HS6ST2: variants seen among roughly 807,000 people sequenced by gnomAD.
HS6ST2 encodes heparan sulfate 6-O-sulfotransferase 2.
In HS6ST2, 17 loss-of-function variants were observed where a neutral mutation model predicts 33.0. The observed-to-expected ratio is 0.52, with a 90% confidence interval of 0.35 to 0.77. The LOEUF (loss-of-function observed/expected upper bound fraction) is 0.77, where lower values mean the gene tolerates loss of function less well. HS6ST2 is among the 30% of genes least tolerant of loss of function. The probability of loss-of-function intolerance (pLI) is 0.01; values close to 1 mark genes in which losing one functional copy is unlikely to be tolerated. For missense variants in HS6ST2, 519 were observed against 551.7 expected (o/e 0.94, Z 0.59); for synonymous variants, 248 against 237.1 (o/e 1.05, Z -0.42).
At chrX:132,945,600 C>A (rs1602916876) in intron 2 of HS6ST2, among the ~76,000 whole-genome samples, 1 of 110,248 alleles carries the variant, frequency 9.1e-6, no homozygotes, top group Non-Finnish European at 1.9e-5. Flanking sequence ...GACCTGGAAC[C>A]AACCCAAATG....
intron 3 of HS6ST2, among the ~76,000 whole-genome samples, chrX:132,703,538 G>T (rs749450266): frequency 9.0e-4 from 101 of 112,351 alleles, no homozygotes; most frequent in Non-Finnish European, 1.6e-3. Flanking sequence ...CTGTGCTAAA[G>T]ATATCAGCCC....
chrX:132,901,847 T>C (rs925891755), intron 2 of HS6ST2, among the ~76,000 whole-genome samples: 3 of 110,866 alleles, frequency 2.7e-5, no homozygotes, highest in Non-Finnish European at 5.7e-5. Context: ...TAGAGAGATA[T>C]GTTGAGGGGA....
chrX:132,855,037 T>C (rs1003953857), intron 2 of HS6ST2, among the ~76,000 whole-genome samples: 3 of 112,385 alleles, frequency 2.7e-5, no homozygotes, highest in Non-Finnish European at 5.6e-5. Flanking sequence ...CTCATTCAAA[T>C]GTATTTGAAC....
chrX:132,703,565 G>A (rs1196609163), intron 3 of HS6ST2, among the ~76,000 whole-genome samples: 1 of 112,281 alleles, frequency 8.9e-6, no homozygotes, highest in African/African-American at 3.2e-5. Context: ...TGCAGTTTCT[G>A]TAGAAATAAC....
intron 2 of HS6ST2, among the ~76,000 whole-genome samples, chrX:132,748,307 T>C (rs1324518247): frequency 8.9e-6 from 1 of 112,400 alleles, no homozygotes; most frequent in Non-Finnish European, 1.9e-5. Context: ...TTGAACACTT[T>C]GGTGATACTC....
rs776319127 is a variant in HS6ST2, at chrX:132,837,880, T to C, written c.947+118928A>G. Among the ~76,000 whole-genome samples the C allele has an allele frequency of 5.7e-4, 64 of 111,905 alleles. 1 individual carries two copies. Among genetic ancestry groups the C allele is most frequent in the Admixed American group, 3.6e-3 (38 of 10,505 alleles). ...CCAGCCCCATCTTGTAAGGAGTCATTGCTTAATCAATGGCTTTGTTGTGAA... is the reference window on the plus strand; with the variant it reads ...CCAGCCCCATCTTGTAAGGAGTCATCGCTTAATCAATGGCTTTGTTGTGAA... On this transcript the variant is annotated intron_variant, in intron 2 of 4. Transcript: ENST00000370833.
At chrX:132,778,259 G>A (rs1454858578) in intron 2 of HS6ST2, among the ~76,000 whole-genome samples, 2 of 112,210 alleles carry the variant, frequency 1.8e-5, no homozygotes, top group Admixed American at 9.4e-5. Flanking sequence ...ATAAACAATG[G>A]CCTCTGGATA....
In HS6ST2 at chrX:132,839,695, A is replaced by G. The variant is rs1403158837; in HGVS notation, c.947+117113T>C. Among the ~76,000 whole-genome samples the G allele has an allele frequency of 2.3e-4, 25 of 110,925 alleles. No individual in the cohort carries two copies. In the Admixed American group the frequency reaches 2.4e-3, roughly 11 times the overall value. Reference sequence around the variant, plus strand: ...CTGCACTTGTAAACCTTAAATTTATACACATAAAAAAAAGTTACCTATGAG... The same window carrying G: ...CTGCACTTGTAAACCTTAAATTTATGCACATAAAAAAAAGTTACCTATGAG... On this transcript the variant is annotated intron_variant, in intron 2 of 4. Transcript: ENST00000370833.
At chrX:132,864,221 G>A (rs1263337985) in intron 2 of HS6ST2, among the ~76,000 whole-genome samples, 1 of 109,715 alleles carries the variant, frequency 9.1e-6, no homozygotes, top group Non-Finnish European at 1.9e-5. Context: ...CTCCTCGCGA[G>A]CAAGGGAACA....
At position 132,956,979 on chromosome X, in the gene HS6ST2, C is replaced by G; in HGVS notation, c.776G>C (p.Arg259Pro). Residue 259 changes from arginine to proline, a missense_variant, in exon 2 of 5, where the codon CGC (arginine) becomes CCC (proline). Arg to Pro is a moderately radical substitution (Grantham distance 103, BLOSUM62 -2). Transcript: ENST00000370833. ...GCAAGTGCATTTCTTCTGACCCACG[C>G]GGCACTCGCACGGCTGCTCCAGCTG... ...NIQLEQPCEC[R>P]VGQKKCTCHR... The G allele has an allele frequency of 3.3e-6, 4 of 1,210,806 alleles. No individual in the cohort carries two copies. The highest frequency in any genetic ancestry group is 4.5e-6 in the Non-Finnish European group (4 of 894,914).
intron 2 of HS6ST2, among the ~76,000 whole-genome samples, chrX:132,878,913 T>C (rs1226447733): frequency 9.0e-6 from 1 of 110,819 alleles, no homozygotes; most frequent in African/African-American, 3.3e-5. Context: ...AAATAAGTAA[T>C]GATGCCTGGG....
intron 2 of HS6ST2, among the ~76,000 whole-genome samples, chrX:132,814,793 G>A (rs768536933): frequency 1.1e-4 from 12 of 111,935 alleles, no homozygotes; most frequent in East Asian, 5.6e-4. Context: ...AACCCTATGC[G>A]ATGAACACAT....
chrX:132,778,274 G>A (rs2148329126), intron 2 of HS6ST2, among the ~76,000 whole-genome samples: 1 of 112,468 alleles, frequency 8.9e-6, no homozygotes, highest in Non-Finnish European at 1.9e-5. Flanking sequence ...TGGATACAAT[G>A]ATGTATGTAT....
At chrX:132,822,691 G>T (rs945293443) in intron 2 of HS6ST2, among the ~76,000 whole-genome samples, 1 of 111,929 alleles carries the variant, frequency 8.9e-6, no homozygotes, top group Non-Finnish European at 1.9e-5. Context: ...TATTTAGCAG[G>T]GTTGTTATTT....
At chrX:132,666,608 T>C (rs1451445216) in intron 4 of HS6ST2, among the ~76,000 whole-genome samples, 1 of 111,305 alleles carries the variant, frequency 9.0e-6, no homozygotes, top group African/African-American at 3.3e-5. Flanking sequence ...TACCAAGTGC[T>C]TGGGACACAG....
chrX:132,811,685 A>AATATACATAT (rs2065346040), intron 2 of HS6ST2, among the ~76,000 whole-genome samples: 1 of 29,814 alleles, frequency 3.4e-5, no homozygotes, highest in Admixed American at 5.4e-4. Flanking sequence ...AAGGCTGAAT[A>AATATACATAT]ATATATATAT....
chrX:132,705,908 A>G (rs2064185392), intron 3 of HS6ST2, among the ~76,000 whole-genome samples: 1 of 112,183 alleles, frequency 8.9e-6, no homozygotes, highest in South Asian at 3.7e-4. Context: ...CTCCTTTCAC[A>G]CATATACCAT....
At chrX:132,808,565 T>C (rs5977757) in intron 2 of HS6ST2, among the ~76,000 whole-genome samples, 43,350 of 110,986 alleles carry the variant, frequency 0.39, 6,706 homozygotes, top group African/African-American at 0.56. Context: ...ATGGATACTT[T>C]ACAGAACTGT....
intron 2 of HS6ST2, among the ~76,000 whole-genome samples, chrX:132,789,584 T>C (rs1423831579): frequency 8.9e-6 from 1 of 112,318 alleles, no homozygotes; most frequent in Non-Finnish European, 1.9e-5. Flanking sequence ...ATTTAATAAA[T>C]ACATTTTGTA....
Sources: gnomAD v4.1 joint callset for allele counts (sites outside exome capture counted in the v4.1 genomes callset) on GRCh38, gnomAD v4.1.1 for gene constraint, MANE v1.5 for transcripts, NCBI Gene and HGNC (gene_info 2026-07-23, HGNC 2026-07-21) for gene names.